Variants in EPB41L2 observed in about 807,000 individuals in gnomAD.
EPB41L2 encodes the protein band 4.1-like protein 2.
In EPB41L2, 43 loss-of-function variants were observed where a neutral mutation model predicts 113.0. That is an observed-to-expected ratio of 0.38 (90% CI 0.30 to 0.49). The LOEUF (loss-of-function observed/expected upper bound fraction) is 0.49. EPB41L2 is among the 20% of genes least tolerant of loss of function. EPB41L2 has a pLI of 0.95. For synonymous variants in EPB41L2, 442 were observed against 436.7 expected, an observed-to-expected ratio of 1.01 and a Z score of -0.15; for missense variants, 1,147 against 1,223.4, an observed-to-expected ratio of 0.94 and a Z score of 0.93.
At chr6:130,851,667 T>C (rs934274712) in intron 19 of EPB41L2, among the ~76,000 whole-genome samples, 5 of 152,224 alleles carry the variant, frequency 3.3e-5, no homozygotes, top group African/African-American at 1.2e-4. Context: ...CAGGGCTCTC[T>C]CCCTACTACC....
chr6:130,940,263 G>C (rs1000745599), intron 3 of EPB41L2, among the ~76,000 whole-genome samples: 1 of 152,142 alleles, frequency 6.6e-6, no homozygotes. Context: ...CACTAGCCCT[G>C]TAAAGCCAGG....
At chr6:131,058,380 G>C (rs1798008994) in intron 1 of EPB41L2, among the ~76,000 whole-genome samples, 1 of 151,992 alleles carries the variant, frequency 6.6e-6, no homozygotes, top group East Asian at 1.9e-4. Context: ...TACTCTCCTA[G>C]ACATGAAAAA....
chr6:130,888,734 T>C (rs185805591), intron 11 of EPB41L2, among the ~76,000 whole-genome samples: 3 of 152,332 alleles, frequency 2.0e-5, no homozygotes, highest in Admixed American at 1.3e-4. Context: ...TCAGATTTAC[T>C]TGGAAAAGTG....
Position 130,899,403 on chromosome 6 carries a change from A to C in EPB41L2, c.1236+88T>G, listed in dbSNP as rs1321222447. ...GAAAGCAAATATCCTTTTCCCAAAAATAAGCTGTGCTATCCTGAAACTGGA... is the reference window on the plus strand; with the variant it reads ...GAAAGCAAATATCCTTTTCCCAAAACTAAGCTGTGCTATCCTGAAACTGGA... On this transcript the variant is annotated intron_variant, in intron 8 of 19. Coordinates refer to ENST00000337057, the MANE Select transcript of EPB41L2 (RefSeq NM_001431.4). The C allele has an allele frequency of 3.9e-6, 4 of 1,036,906 alleles. No homozygotes were observed. In the East Asian group the frequency reaches 9.7e-5, roughly 25 times the overall value. The allele number at this position is 1,036,906 out of a possible 1,614,324, so 64.2% of individuals were successfully genotyped here. A position where few individuals can be genotyped will look rare whatever the true frequency, so the allele number is the denominator to read the frequency against.
chr6:131,007,000 G>A lies in EPB41L2; in HGVS notation c.-14-50501C>T, dbSNP rs139404229. Reference sequence around the variant, plus strand: ...GCCCCTCCCTACCTCCAACACACTCGCCCTATTTATGGTTACATTTACCTT... The same window carrying A: ...GCCCCTCCCTACCTCCAACACACTCACCCTATTTATGGTTACATTTACCTT... On this transcript the variant is annotated intron_variant, in intron 1 of 19. Coordinates refer to ENST00000337057, the MANE Select transcript of EPB41L2 (RefSeq NM_001431.4). Among the ~76,000 whole-genome samples, 992 of 152,114 alleles carry A rather than the reference G, an allele frequency of 6.5e-3. 17 individuals carry two copies. The highest frequency in any genetic ancestry group is 0.023 in the African/African-American group (950 of 41,486).
chr6:131,007,969 T>C (rs1785983626), intron 1 of EPB41L2, among the ~76,000 whole-genome samples: 1 of 152,128 alleles, frequency 6.6e-6, no homozygotes, highest in Non-Finnish European at 1.5e-5. Flanking sequence ...AGCCTGACAA[T>C]GCAATAAAAA....
intron 1 of EPB41L2, chr6:130,978,919 A>G (rs1413387758): frequency 6.6e-6 from 1 of 152,228 alleles, no homozygotes; most frequent in Non-Finnish European, 1.5e-5. Context: ...AGTGGGTAGA[A>G]GCACACTCTT....
At chr6:131,039,994 C>G (rs1454786210) in intron 1 of EPB41L2, among the ~76,000 whole-genome samples, 3 of 152,304 alleles carry the variant, frequency 2.0e-5, no homozygotes, top group African/African-American at 7.2e-5. Flanking sequence ...CTATTTTGCT[C>G]AGAAAATTGC....
chr6:130,982,827 C>T (rs2128678361), intron 1 of EPB41L2, among the ~76,000 whole-genome samples: 1 of 152,198 alleles, frequency 6.6e-6, no homozygotes, highest in South Asian at 2.1e-4. Flanking sequence ...ATTTTGTAGT[C>T]AAAGAAAATG....
At chr6:131,040,939 A>C (rs992410638) in intron 1 of EPB41L2, among the ~76,000 whole-genome samples, 2 of 152,202 alleles carry the variant, frequency 1.3e-5, no homozygotes. Context: ...ATTCTCCAAG[A>C]CCTGTAACAT....
rs369508796 is a variant in EPB41L2, at chr6:130,995,330, G to A, written c.-14-38831C>T. Among the ~76,000 whole-genome samples the A allele has an allele frequency of 2.2e-4, 34 of 151,764 alleles. No individual in the cohort carries two copies. The East Asian group carries it at 2.9e-3, about 13-fold the overall frequency. ...AGCCTGGGCGACTAAGCGAGACTCC[G>A]TCTCAAAAAAACAAACAAAAAAAAC... On this transcript the variant is annotated intron_variant, in intron 1 of 19. Transcript: ENST00000337057.
intron 1 of EPB41L2, among the ~76,000 whole-genome samples, chr6:130,979,526 A>C (rs981354610): frequency 6.6e-6 from 1 of 151,190 alleles, no homozygotes; most frequent in Non-Finnish European, 1.5e-5. Context: ...AAACTGGTTA[A>C]GATGATGTTC....
chr6:130,891,428 T>TTACTTACTTAC (rs1792808507), intron 10 of EPB41L2, among the ~76,000 whole-genome samples: 2 of 149,364 alleles, frequency 1.3e-5, no homozygotes, highest in African/African-American at 2.5e-5. Flanking sequence ...TATTTATTTA[T>TTACTTACTTAC]TTACTTACTT....
Position 130,885,147 on chromosome 6 carries a change from C to T in EPB41L2, c.1782G>A (p.Arg594=). Residue 594 remains arginine, a synonymous_variant, in exon 12 of 20, where the codon AGG becomes AGA. Transcript: ENST00000337057. The part of the protein sequence containing the change: ...IAVVQDGDGR[R]EVRSPTKAPH... The stretch of plus-strand genomic sequence containing the variant: ...GGGCTTTAGTTGGGCTTCTCACTTC[C>T]CTCCTGCCGTCCCCATCTTGTACCA... The T allele has an allele frequency of 3.1e-6, 5 of 1,614,138 alleles. No homozygotes were observed. The highest frequency in any genetic ancestry group is 4.2e-6 in the Non-Finnish European group (5 of 1,179,998).
At chr6:131,000,771 G>A (rs1784185796) in intron 1 of EPB41L2, 1 of 152,196 alleles carries the variant, frequency 6.6e-6, no homozygotes, top group African/African-American at 2.4e-5. Flanking sequence ...GTACAGTGCT[G>A]ACACAATCCA....
chr6:131,050,932 T>C (rs867599470), intron 1 of EPB41L2, among the ~76,000 whole-genome samples: 1 of 152,220 alleles, frequency 6.6e-6, no homozygotes, highest in Non-Finnish European at 1.5e-5. Flanking sequence ...ACAATATGTC[T>C]GTCTAAAGAC....
intron 14 of EPB41L2, among the ~76,000 whole-genome samples, chr6:130,871,216 T>C (rs1296980093): frequency 6.6e-6 from 1 of 152,178 alleles, no homozygotes; most frequent in East Asian, 1.9e-4. Flanking sequence ...GTGGAAACCT[T>C]TTTGTACAGA....
chr6:131,008,547 G>A (rs989556498), intron 1 of EPB41L2, among the ~76,000 whole-genome samples: 4 of 152,236 alleles, frequency 2.6e-5, no homozygotes, highest in Admixed American at 6.5e-5. Context: ...GACAGCCACT[G>A]TCCTCCAGAC....
intron 1 of EPB41L2, among the ~76,000 whole-genome samples, chr6:130,965,270 T>C (rs1275635946): frequency 6.6e-6 from 1 of 152,246 alleles, no homozygotes; most frequent in African/African-American, 2.4e-5. Flanking sequence ...AAACAACTTG[T>C]AACCAATTCA....
Sources: gnomAD v4.1 joint callset for allele counts (sites outside exome capture counted in the v4.1 genomes callset) on GRCh38, gnomAD v4.1.1 for gene constraint, MANE v1.5 for transcripts, NCBI Gene and HGNC (gene_info 2026-07-23, HGNC 2026-07-21) for gene names.